Variants in CRPPA observed in about 807,000 individuals in gnomAD.
CRPPA encodes CDP-L-ribitol pyrophosphorylase A.
A neutral mutation model predicts 52.0 loss-of-function variants in CRPPA; 43 were observed. The observed-to-expected ratio is 0.83, with a 90% CI of 0.65 to 1.07. The LOEUF (loss-of-function observed/expected upper bound fraction) is 1.07, where lower values mean the gene tolerates loss of function less well. CRPPA is among the 50% of genes least tolerant of loss of function. CRPPA has a pLI of 0.00. For missense variants in CRPPA, 629 were observed against 551.7 expected (o/e 1.14, Z -1.40); for synonymous variants, 250 against 203.5 (o/e 1.23, Z -1.94).
At chr7:16,271,492 A>T (rs76621585) in intron 6 of CRPPA, among the ~76,000 whole-genome samples, 2,091 of 152,248 alleles carry the variant, frequency 0.014, 61 homozygotes, top group African/African-American at 0.048. Context: ...CAACATAAAA[A>T]GCCTACAAGG....
chr7:16,147,397 A>G (rs550871616), intron 9 of CRPPA, among the ~76,000 whole-genome samples: 1 of 152,312 alleles, frequency 6.6e-6, no homozygotes, highest in African/African-American at 2.4e-5. Flanking sequence ...CAAATCTCCC[A>G]TCAGTAGCCT....
intron 2 of CRPPA, among the ~76,000 whole-genome samples, chr7:16,377,215 A>G (rs1247447535): frequency 6.6e-6 from 1 of 152,124 alleles, no homozygotes; most frequent in African/African-American, 2.4e-5. Context: ...AAATTGTGTC[A>G]CACCTTCCAG....
chr7:16,297,384 G>GTGAT (rs1193245268), intron 5 of CRPPA, among the ~76,000 whole-genome samples: 3 of 152,156 alleles, frequency 2.0e-5, no homozygotes, highest in Non-Finnish European at 2.9e-5. Flanking sequence ...CAATGATATA[G>GTGAT]TGATAGATAT....
intron 2 of CRPPA, among the ~76,000 whole-genome samples, chr7:16,378,805 A>G (rs1475695805): frequency 6.6e-6 from 1 of 152,088 alleles, no homozygotes; most frequent in East Asian, 1.9e-4. Context: ...TTGCCATTCT[A>G]ACTTGTGTGA....
intron 9 of CRPPA, chr7:16,208,987 T>C: frequency 2.4e-6 from 1 of 418,364 alleles, no homozygotes; most frequent in Non-Finnish European, 4.8e-6. Flanking sequence ...CTGTGAGAAG[T>C]GTGGCAAGCA....
intron 3 of CRPPA, among the ~76,000 whole-genome samples, chr7:16,367,789 C>T (rs1040386576): frequency 5.3e-5 from 8 of 151,982 alleles, no homozygotes; most frequent in Admixed American, 1.3e-4. Context: ...TTTAAAAATG[C>T]GGGGAGGGGT....
Position 16,089,538 on chromosome 7 carries a change from T to TAA in CRPPA, c.*2156_*2157insTT, listed in dbSNP as rs774638110. The TAA allele has an allele frequency of 2.8e-5, 7 of 252,256 alleles. No homozygotes were observed. The highest frequency in any genetic ancestry group is 5.2e-5 in the Non-Finnish European group (6 of 115,604). The allele number at this position is 252,256 out of a possible 1,614,324, so 15.6% of individuals were successfully genotyped here. A position where few individuals can be genotyped will look rare whatever the true frequency, so the allele number is the denominator to read the frequency against. On this transcript the variant is annotated 3_prime_UTR_variant, in exon 10 of 10. Transcript: ENST00000407010. ...ATGGGTATATATGTACGTACATACATATATATGTATATACATGTAAGTATA... is the reference window on the plus strand; with the variant it reads ...ATGGGTATATATGTACGTACATACATAAATATATGTATATACATGTAAGTATA...
intron 8 of CRPPA, among the ~76,000 whole-genome samples, chr7:16,242,332 ATTAC>A (rs1783139742): frequency 6.6e-6 from 1 of 152,112 alleles, no homozygotes; most frequent in African/African-American, 2.4e-5. Context: ...CATTTACTAT[ATTAC>A]TTCCTTTTTC....
At chr7:16,119,212 T>C (rs900518466) in intron 9 of CRPPA, among the ~76,000 whole-genome samples, 11 of 152,256 alleles carry the variant, frequency 7.2e-5, no homozygotes, top group African/African-American at 2.4e-4. Flanking sequence ...GGCTACTATG[T>C]GCACAGATGG....
chr7:16,186,892 C>T (rs980125148), intron 9 of CRPPA, among the ~76,000 whole-genome samples: 3 of 152,096 alleles, frequency 2.0e-5, no homozygotes, highest in Non-Finnish European at 2.9e-5. Context: ...ATGCATTCAA[C>T]GTTTGTTAAC....
At chr7:16,239,499 A>T (rs1377442694) in intron 8 of CRPPA, among the ~76,000 whole-genome samples, 1 of 150,874 alleles carries the variant, frequency 6.6e-6, no homozygotes, top group Admixed American at 6.6e-5. Flanking sequence ...CTTTGTAAAG[A>T]AATAGCATGT....
intron 8 of CRPPA, among the ~76,000 whole-genome samples, chr7:16,250,751 T>C (rs1036302199): frequency 2.0e-5 from 3 of 152,024 alleles, no homozygotes; most frequent in Non-Finnish European, 4.4e-5. Context: ...GAACAACTGG[T>C]TACCAGCCAT....
chr7:16,263,776 C>G (rs1320401172), intron 6 of CRPPA, among the ~76,000 whole-genome samples: 1 of 151,350 alleles, frequency 6.6e-6, no homozygotes, highest in Non-Finnish European at 1.5e-5. Context: ...AAAGAATGTA[C>G]AATATAGATA....
rs116278812 is a variant in CRPPA, at chr7:16,104,948, A to C, written c.1252-13149T>G. ...AAAATCTTATTAGAGGTAGTGTACA[A>C]CTTATTTTATCATCAAAACTGTATT... On this transcript the variant is annotated intron_variant, in intron 9 of 9. Coordinates refer to ENST00000407010, the MANE Select transcript of CRPPA (RefSeq NM_001101426.4). 8.4e-3 allele frequency among the ~76,000 whole-genome samples: 1,285 copies of C among 152,168 alleles called. 20 individuals carry two copies. The highest frequency in any genetic ancestry group is 0.029 in the African/African-American group (1,188 of 41,524).
chr7:16,106,893 G>A (rs1189138600), intron 9 of CRPPA, among the ~76,000 whole-genome samples: 2 of 151,938 alleles, frequency 1.3e-5, no homozygotes, highest in Non-Finnish European at 2.9e-5. Flanking sequence ...AAATTTCATG[G>A]AATTTGGAAA....
rs142095830 is a variant in CRPPA at position 16,250,814 on chromosome 7, C to T, written c.1119+7576G>A. Among the ~76,000 whole-genome samples the T allele has an allele frequency of 1.8e-3, 272 of 152,286 alleles. 1 individual carries two copies. Among genetic ancestry groups the T allele is most frequent in the African/African-American group, 6.3e-3 (260 of 41,558 alleles). ...CATTGATGCTATAAAGAAACTGCAT[C>T]AACTAACGGGCAAAATAACCAGCCA... is the stretch of plus-strand genomic sequence containing the variant. On this transcript the variant is annotated intron_variant, in intron 8 of 9. Coordinates refer to ENST00000407010, the MANE Select transcript of CRPPA (RefSeq NM_001101426.4).
At chr7:16,297,719 A>T (rs1053472300) in intron 5 of CRPPA, among the ~76,000 whole-genome samples, 39 of 152,340 alleles carry the variant, frequency 2.6e-4, no homozygotes, top group African/African-American at 8.9e-4. Flanking sequence ...GAAGCTCTAT[A>T]GCCTTTATTA....
intron 2 of CRPPA, among the ~76,000 whole-genome samples, chr7:16,395,027 A>G (rs765569855): frequency 1.4e-4 from 21 of 152,190 alleles, no homozygotes; most frequent in Non-Finnish European, 2.4e-4. Context: ...AAAGTATCAA[A>G]ATTATGACAA....
intron 4 of CRPPA, among the ~76,000 whole-genome samples, chr7:16,303,254 G>A (rs1784827224): frequency 6.6e-6 from 1 of 151,916 alleles, no homozygotes; most frequent in Non-Finnish European, 1.5e-5. Flanking sequence ...TTTGGTCCAG[G>A]ATTTACCTGC....
Sources: gnomAD v4.1 joint callset for allele counts (sites outside exome capture counted in the v4.1 genomes callset) on GRCh38, gnomAD v4.1.1 for gene constraint, MANE v1.5 for transcripts, NCBI Gene and HGNC (gene_info 2026-07-23, HGNC 2026-07-21) for gene names.